SLC35F2: variants seen among roughly 807,000 people sequenced by gnomAD.
SLC35F2 encodes the protein queuine/queuosine transporter SLC35F2.
SLC35F2 carries 25 observed loss-of-function variants against 38.1 expected under a neutral mutation model. That is an observed-to-expected ratio of 0.66 (90% CI 0.48 to 0.92). The LOEUF (loss-of-function observed/expected upper bound fraction) is 0.92. SLC35F2 is among the 40% of genes least tolerant of loss of function. The pLI is 0.00. For synonymous variants in SLC35F2, 173 were observed against 181.7 expected (o/e 0.95, Z 0.38); for missense variants, 409 against 452.9 (o/e 0.90, Z 0.88).
chr11:107,842,351 A>T (rs957496008), intron 1 of SLC35F2, among the ~76,000 whole-genome samples: 58 of 150,554 alleles, frequency 3.9e-4, no homozygotes, highest in African/African-American at 9.7e-4. Flanking sequence ...TGGAAAAAAA[A>T]TTTTTAATTT....
At chr11:107,806,907 CAT>C (rs780718653) in intron 3 of SLC35F2, 31 bp from the exon 4 acceptor site, 1 of 1,598,788 alleles carries the variant, frequency 6.3e-7, no homozygotes, top group Non-Finnish European at 8.5e-7. Context: ...CAGTTTAAAA[CAT>C]ATCTCTCATT....
chr11:107,843,158 G>C (rs188163246), intron 1 of SLC35F2, among the ~76,000 whole-genome samples: 2 of 152,270 alleles, frequency 1.3e-5, no homozygotes, highest in South Asian at 2.1e-4. Context: ...ATTAAAATGA[G>C]AGCAAAGGAA....
chr11:107,794,517 T>C (rs1300908486), intron 7 of SLC35F2, among the ~76,000 whole-genome samples: 2 of 152,206 alleles, frequency 1.3e-5, no homozygotes, highest in Admixed American at 6.5e-5. Context: ...TTATTTTTCC[T>C]TTCAACTGGA....
At chr11:107,822,324 G>A (rs1386902792) in intron 1 of SLC35F2, among the ~76,000 whole-genome samples, 1 of 152,090 alleles carries the variant, frequency 6.6e-6, no homozygotes. Flanking sequence ...AATGTATATC[G>A]TAACCTCCCT....
chr11:107,808,444 T>C (rs936656166), intron 3 of SLC35F2, among the ~76,000 whole-genome samples: 2 of 152,228 alleles, frequency 1.3e-5, no homozygotes, highest in African/African-American at 4.8e-5. Flanking sequence ...TCTTGATGCA[T>C]TCCAATGTAT....
At chr11:107,798,610 A>G (rs1255006025) in intron 7 of SLC35F2, among the ~76,000 whole-genome samples, 1 of 152,202 alleles carries the variant, frequency 6.6e-6, no homozygotes, top group Non-Finnish European at 1.5e-5. Context: ...TATTCAGCAA[A>G]TATTCACTCA....
intron 1 of SLC35F2, among the ~76,000 whole-genome samples, chr11:107,858,111 G>GT (rs1860324387): frequency 1.3e-5 from 2 of 152,200 alleles, no homozygotes; most frequent in Admixed American, 1.3e-4. Flanking sequence ...AGCCCTGGGG[G>GT]TGGCTATATC....
At chr11:107,844,444 A>C (rs1367946880) in intron 1 of SLC35F2, among the ~76,000 whole-genome samples, 1 of 151,700 alleles carries the variant, frequency 6.6e-6, no homozygotes, top group African/African-American at 2.4e-5. Context: ...CCTGGCCAAC[A>C]TGGTGAAATC....
Position 107,858,764 on chromosome 11 carries a change from C to G in SLC35F2, c.4G>C (p.Glu2Gln). 7.9e-7 allele frequency: 1 copy of G among 1,262,532 alleles called. No homozygotes were observed. Among genetic ancestry groups the G allele is most frequent in the African/African-American group, 1.5e-5 (1 of 65,528 alleles). 78.2% of individuals were successfully genotyped at this position (1,262,532 alleles called of 1,614,324 possible). The stretch of plus-strand genomic sequence containing the variant: ...CCGGGGCCCGCTGGCGAGTCTGCCT[C>G]CATCGGCGCCCTTGCGCGTCTCCGG... MEADSPAGPGAP... is the reference protein window; with the variant it reads MQADSPAGPGAP... The change falls in exon 1 of 8, where the codon GAG (glutamate) becomes CAG (glutamine). Residue 2 changes from glutamate to glutamine, a missense_variant. Physicochemically the swap from Glu to Gln is conservative, Grantham distance 29. Coordinates refer to ENST00000525815, the MANE Select transcript of SLC35F2 (RefSeq NM_017515.5).
intron 7 of SLC35F2, among the ~76,000 whole-genome samples, chr11:107,799,712 A>G (rs952996233): frequency 2.0e-5 from 3 of 151,338 alleles, no homozygotes; most frequent in Admixed American, 6.6e-5. Flanking sequence ...TGCTGGGACT[A>G]CAGATGCACG....
At chr11:107,797,764 G>A (rs764557884) in intron 7 of SLC35F2, among the ~76,000 whole-genome samples, 1 of 152,068 alleles carries the variant, frequency 6.6e-6, no homozygotes, top group South Asian at 2.1e-4. Flanking sequence ...ACAGGAAAAT[G>A]CTTCCTGGAT....
At chr11:107,821,659 T>A (rs1277576059) in intron 1 of SLC35F2, 6 of 976,106 alleles carry the variant, frequency 6.1e-6, no homozygotes, top group Non-Finnish European at 7.3e-6. Context: ...TGTTCCTGTT[T>A]AAGCAAAGCT....
Position 107,803,038 on chromosome 11 carries a change from T to TA in SLC35F2, c.901dup (p.Tyr301LeufsTer13). 6.2e-7 allele frequency: 1 copy of TA among 1,613,922 alleles called. No homozygotes were observed. The highest frequency in any genetic ancestry group is 8.5e-7 in the Non-Finnish European group (1 of 1,179,952). On this transcript the variant is annotated frameshift_variant, in exon 7 of 8. Coordinates refer to ENST00000525815, the MANE Select transcript of SLC35F2 (RefSeq NM_017515.5). LOFTEE classifies it high-confidence loss of function. The stretch of plus-strand genomic sequence containing the variant: ...CAGAAAGAGTCCAACAAAAAGGCTG[T>TA]AGAGGTCCGCTGTCAGGATGCCCAG...
chr11:107,801,971 G>A (rs1055393053), intron 7 of SLC35F2, among the ~76,000 whole-genome samples: 3 of 152,118 alleles, frequency 2.0e-5, no homozygotes, highest in African/African-American at 4.8e-5. Flanking sequence ...AGGCATGGTG[G>A]CTCACACCTA....
chr11:107,854,348 A>C (rs1860243155), intron 1 of SLC35F2, among the ~76,000 whole-genome samples: 1 of 151,892 alleles, frequency 6.6e-6, no homozygotes, highest in Admixed American at 6.6e-5. Context: ...TGGGAGGATC[A>C]CTTGAGCCAC....
intron 7 of SLC35F2, among the ~76,000 whole-genome samples, chr11:107,795,863 G>A (rs566923223): frequency 1.3e-5 from 2 of 152,314 alleles, no homozygotes; most frequent in East Asian, 3.9e-4. Context: ...GCCAGGTGCG[G>A]TGGCCCACGC....
chr11:107,850,308 G>T (rs567202434), intron 1 of SLC35F2, among the ~76,000 whole-genome samples: 2 of 152,242 alleles, frequency 1.3e-5, no homozygotes, highest in South Asian at 4.1e-4. Context: ...GTCTAACACT[G>T]GTGGATGGAC....
chr11:107,818,072 A>AAAGAAAGAAG (rs1555084050), intron 1 of SLC35F2, among the ~76,000 whole-genome samples: 1 of 68,440 alleles, frequency 1.5e-5, no homozygotes, highest in East Asian at 4.3e-4. Flanking sequence ...AAAAAAAAAA[A>AAAGAAAGAAG]AAAGAAAGAA....
At chr11:107,796,061 G>A (rs534359) in intron 7 of SLC35F2, among the ~76,000 whole-genome samples, 74,882 of 151,840 alleles carry the variant, frequency 0.49, 18,821 homozygotes, top group Non-Finnish European at 0.53. Flanking sequence ...CCCAGGAGGC[G>A]GAGGTTGCAG....
Sources: allele counts gnomAD v4.1 joint callset (sites outside exome capture counted in the v4.1 genomes callset), GRCh38; gene constraint gnomAD v4.1.1; transcripts MANE v1.5; gene names NCBI Gene and HGNC (gene_info 2026-07-23, HGNC 2026-07-21).